RPS6KA6: variants seen among roughly 807,000 people sequenced by gnomAD.
The protein encoded by RPS6KA6 is ribosomal protein S6 kinase A6, also known as ribosomal protein S6 kinase alpha-6.
RPS6KA6 carries 27 observed loss-of-function variants against 65.4 expected under a neutral mutation model. The observed-to-expected ratio is 0.41, with a 90% CI of 0.30 to 0.57. The LOEUF (loss-of-function observed/expected upper bound fraction) is 0.57, where lower values mean the gene tolerates loss of function less well. RPS6KA6 is among the 20% of genes least tolerant of loss of function. The probability of loss-of-function intolerance (pLI) is 0.24; values close to 1 mark genes in which losing one functional copy is unlikely to be tolerated. For missense variants in RPS6KA6, 486 were observed against 555.6 expected (o/e 0.87, Z 1.26); for synonymous variants, 190 against 184.2 (o/e 1.03, Z -0.26).
rs370645295 is a variant in RPS6KA6 at position 84,064,961 on chromosome X, T to C, written c.2112+10A>G. 17 of 1,199,835 alleles carry C rather than the reference T, an allele frequency of 1.4e-5. No individual in the cohort carries two copies. In the African/African-American group the frequency reaches 3.0e-4, roughly 21 times the overall value. On this transcript the variant is annotated intron_variant, in intron 21 of 21. Coordinates refer to ENST00000262752, the MANE Select transcript of RPS6KA6 (RefSeq NM_014496.5). ...TATCTCGAAGGCACATAAAAGTATG[T>C]TTGTTTTACCTTAACAACATGTGAC...
At chrX:84,105,269 C>T (rs2034336373) in intron 16 of RPS6KA6, among the ~76,000 whole-genome samples, 1 of 111,002 alleles carries the variant, frequency 9.0e-6, no homozygotes, top group African/African-American at 3.3e-5. Context: ...GTTGACTTTT[C>T]TGTCTTGTAT....
chrX:84,087,715 TG>T (rs1301537665), intron 20 of RPS6KA6, among the ~76,000 whole-genome samples: 1 of 111,959 alleles, frequency 8.9e-6, no homozygotes. Context: ...CTTGCTAGGT[TG>T]GGGAAGTTCT....
chrX:84,133,373 C>T (rs553255072), intron 8 of RPS6KA6, among the ~76,000 whole-genome samples: 71 of 111,391 alleles, frequency 6.4e-4, no homozygotes, highest in Middle Eastern at 4.8e-3. Flanking sequence ...AATGTTTGTG[C>T]CATTGCAAGG....
At chrX:84,184,324 T>C (rs1032313895) in intron 1 of RPS6KA6, among the ~76,000 whole-genome samples, 8 of 112,479 alleles carry the variant, frequency 7.1e-5, no homozygotes, top group Non-Finnish European at 1.1e-4. Flanking sequence ...TAGATGACAA[T>C]AGTTCAGACT....
intron 1 of RPS6KA6, among the ~76,000 whole-genome samples, chrX:84,170,079 A>G (rs1339415746): frequency 9.3e-6 from 1 of 107,122 alleles, no homozygotes; most frequent in African/African-American, 3.4e-5. Flanking sequence ...CTGAGGCACA[A>G]CTGCTTGAAC....
At chrX:84,117,654 G>A (rs1416538487) in intron 9 of RPS6KA6, among the ~76,000 whole-genome samples, 200 bp from the exon 10 acceptor site, 1 of 110,686 alleles carries the variant, frequency 9.0e-6, no homozygotes, top group African/African-American at 3.3e-5. Context: ...TATATATATA[G>A]CTCAACTGAT....
intron 1 of RPS6KA6, among the ~76,000 whole-genome samples, chrX:84,182,744 G>A (rs1036763893): frequency 8.9e-6 from 1 of 111,857 alleles, no homozygotes; most frequent in African/African-American, 3.3e-5. Context: ...GGCACCTGTG[G>A]CAGGGAGGGG....
intron 1 of RPS6KA6, among the ~76,000 whole-genome samples, chrX:84,171,138 C>A (rs545581987): frequency 9.9e-4 from 110 of 110,948 alleles, no homozygotes; most frequent in African/African-American, 3.3e-3. Flanking sequence ...CCCAGTCAAG[C>A]CTCTATATAA....
At chrX:84,112,980 A>G (rs2034495522) in intron 12 of RPS6KA6, among the ~76,000 whole-genome samples, 1 of 111,779 alleles carries the variant, frequency 8.9e-6, no homozygotes, top group Non-Finnish European at 1.9e-5. Context: ...AAAAGGGCAC[A>G]CATTGCAATG....
chrX:84,134,350 C>T (rs2034956067), intron 8 of RPS6KA6, among the ~76,000 whole-genome samples: 1 of 111,528 alleles, frequency 9.0e-6, no homozygotes, highest in African/African-American at 3.3e-5. Flanking sequence ...AGGATAAATG[C>T]TCAGTAGTGT....
intron 18 of RPS6KA6, among the ~76,000 whole-genome samples, chrX:84,100,305 A>C (rs759583285): frequency 8.8e-4 from 98 of 111,052 alleles, no homozygotes; most frequent in African/African-American, 3.1e-3. Flanking sequence ...TGGGAAAAAA[A>C]CATCAATGGG....
chrX:84,106,321 T>C, intron 15 of RPS6KA6, 44 bp downstream of exon 15: 1 of 1,145,443 alleles, frequency 8.7e-7, no homozygotes, highest in Non-Finnish European at 1.2e-6. Flanking sequence ...TAATTTAAAT[T>C]ACATGCATAA....
At chrX:84,171,672 T>A (rs1400421632) in intron 1 of RPS6KA6, among the ~76,000 whole-genome samples, 1 of 111,856 alleles carries the variant, frequency 8.9e-6, no homozygotes, top group Non-Finnish European at 1.9e-5. Context: ...ATTCCTTTTT[T>A]TAAAATTTTA....
intron 20 of RPS6KA6, among the ~76,000 whole-genome samples, chrX:84,068,371 C>A (rs1056194242): frequency 1.8e-5 from 2 of 111,820 alleles, no homozygotes. Flanking sequence ...CAATAAAATT[C>A]AACACTACTT....
At chrX:84,117,216 AAG>A in intron 10 of RPS6KA6, 68 bp from the exon 11 acceptor site, 1 of 903,549 alleles carries the variant, frequency 1.1e-6, no homozygotes, top group African/African-American at 2.0e-5. Flanking sequence ...AAATCTCAAA[AAG>A]AACTTTTAAA....
At position 84,149,443 on chromosome X, in the gene RPS6KA6, T is replaced by C. The variant is rs1413681275; in HGVS notation, c.259-1320A>G. On this transcript the variant is annotated intron_variant, in intron 3 of 21. Coordinates refer to ENST00000262752, the MANE Select transcript of RPS6KA6 (RefSeq NM_014496.5). ...GAGCAATCACCATCTACAGCAACTA[T>C]AGCCTTACAAAATGTATTTCTTAAA... Among the ~76,000 whole-genome samples the C allele has an allele frequency of 4.5e-5, 5 of 112,078 alleles. No individual in the cohort carries two copies. The East Asian group carries it at 1.1e-3, about 25-fold the overall frequency.
At chrX:84,150,512 A>C (rs978955392) in intron 3 of RPS6KA6, among the ~76,000 whole-genome samples, 4 of 110,220 alleles carry the variant, frequency 3.6e-5, no homozygotes, top group African/African-American at 1.3e-4. Flanking sequence ...TAGAGTTATT[A>C]CTTAGACCAA....
At chrX:84,094,349 T>A (rs2034108444) in intron 20 of RPS6KA6, among the ~76,000 whole-genome samples, 1 of 107,865 alleles carries the variant, frequency 9.3e-6, no homozygotes, top group African/African-American at 3.4e-5. Context: ...CTTTAAAGAT[T>A]TTGCAAGTGG....
intron 8 of RPS6KA6, among the ~76,000 whole-genome samples, chrX:84,129,488 A>G (rs1455546668): frequency 9.0e-6 from 1 of 111,574 alleles, no homozygotes; most frequent in African/African-American, 3.3e-5. Flanking sequence ...CATTAATCCC[A>G]CTGCTGGGTA....
Sources: gnomAD v4.1 joint callset for allele counts (sites outside exome capture counted in the v4.1 genomes callset) on GRCh38, gnomAD v4.1.1 for gene constraint, MANE v1.5 for transcripts, NCBI Gene and HGNC (gene_info 2026-07-23, HGNC 2026-07-21) for gene names.